ZNF529: variants seen among roughly 807,000 people sequenced by gnomAD.
The protein encoded by ZNF529 is zinc finger protein 529.
ZNF529 carries 11 observed loss-of-function variants against 10.1 expected under a neutral mutation model. The ratio of observed to expected loss-of-function variants is 1.09; its 90% CI spans 0.69 to 1.81. ZNF529 has a LOEUF of 1.81. Among genes scored for constraint, ZNF529 ranks in the 40% most tolerant of loss-of-function variants. The pLI is 0.00. For missense variants in ZNF529, 624 were observed against 666.8 expected (o/e 0.94, Z 0.71); for synonymous variants, 204 against 215.7 (o/e 0.95, Z 0.47).
chr19:36,573,401 C>T (rs187819907), upstream of ZNF529: 516 of 466,526 alleles, frequency 1.1e-3, no homozygotes, highest in African/African-American at 9.7e-3. Flanking sequence ...GCCCGCTGGC[C>T]GCAGGGGCCG....
chr19:36,593,075 T>C (rs775964980), intron 1 of ZNF529, among the ~76,000 whole-genome samples: 1 of 152,224 alleles, frequency 6.6e-6, no homozygotes, highest in Admixed American at 6.5e-5. Flanking sequence ...TCCTAGCGAT[T>C]ACAATAAGGC....
At chr19:36,597,095 C>G (rs2036853447) in intron 1 of ZNF529, among the ~76,000 whole-genome samples, 1 of 152,138 alleles carries the variant, frequency 6.6e-6, no homozygotes, top group Non-Finnish European at 1.5e-5. Flanking sequence ...TGGTCTCAAA[C>G]TCCTGGGCTC....
intron 1 of ZNF529, chr19:36,594,452 T>G (rs55634974): frequency 0.16 from 23,675 of 152,140 alleles, 2,308 homozygotes; most frequent in Non-Finnish European, 0.22. Context: ...ATGCCCCCCA[T>G]GGAATCCAGC....
chr19:36,599,473 C>A (rs1232715529), intron 1 of ZNF529, among the ~76,000 whole-genome samples: 2 of 152,036 alleles, frequency 1.3e-5, no homozygotes, highest in Non-Finnish European at 1.5e-5. Flanking sequence ...CTTTTTCAAG[C>A]TAAGAGTAGA....
intron 2 of ZNF529, among the ~76,000 whole-genome samples, chr19:36,572,009 A>T (rs986964964): frequency 1.3e-5 from 2 of 148,766 alleles, no homozygotes; most frequent in African/African-American, 5.0e-5. Flanking sequence ...TTTGTTTGCA[A>T]ATCAAGTCTG....
chr19:36,595,121 C>T (rs536507201), intron 1 of ZNF529, among the ~76,000 whole-genome samples: 54 of 152,268 alleles, frequency 3.5e-4, no homozygotes, highest in Middle Eastern at 3.4e-3. Context: ...TTGTGATCCA[C>T]GCGCCTTGGC....
chr19:36,604,559 G>A (rs749549152), intron 1 of ZNF529, among the ~76,000 whole-genome samples: 8 of 150,200 alleles, frequency 5.3e-5, no homozygotes, highest in Non-Finnish European at 1.2e-4. Flanking sequence ...TATGCATTAT[G>A]AAAGCGACAG....
At position 36,554,790 on chromosome 19, in the gene ZNF529, C is replaced by A; in HGVS notation, c.115G>T (p.Val39Leu). The change falls in exon 4 of 5, where the codon GTG becomes TTG. Residue 39 changes from valine to leucine, a missense_variant. Val to Leu is a conservative substitution (Grantham distance 32, BLOSUM62 1). Coordinates refer to ENST00000591340, the MANE Select transcript of ZNF529 (RefSeq NM_020951.5). ...TTGATGACCACATCCCTGAGTGTCACCAGTTCCTGAAACAACAAACCCGTA... is the reference window on the plus strand; with the variant it reads ...TTGATGACCACATCCCTGAGTGTCAACAGTTCCTGAAACAACAAACCCGTA... ...FTVLTMDHEL[V>L]TLRDVVINFS... 1.3e-6 allele frequency: 2 copies of A among 1,555,516 alleles called. No individual in the cohort carries two copies. Among genetic ancestry groups the A allele is most frequent in the Non-Finnish European group, 1.7e-6 (2 of 1,149,650 alleles).
chr19:36,594,573 A>G (rs1423700893), intron 1 of ZNF529: 1 of 152,464 alleles, frequency 6.6e-6, no homozygotes, highest in Non-Finnish European at 1.5e-5. Flanking sequence ...CCACACGTGA[A>G]AACGAGCAAG....
At chr19:36,558,228 TGA>T (rs1333851373) in intron 2 of ZNF529, among the ~76,000 whole-genome samples, 2 of 150,352 alleles carry the variant, frequency 1.3e-5, no homozygotes, top group East Asian at 2.0e-4. Flanking sequence ...AGAAGAGAGG[TGA>T]GAGAGAAAAA....
At chr19:36,569,153 G>C (rs1188923762) in intron 2 of ZNF529, among the ~76,000 whole-genome samples, 1 of 152,170 alleles carries the variant, frequency 6.6e-6, no homozygotes, top group Non-Finnish European at 1.5e-5. Flanking sequence ...CTTTCACCCT[G>C]AGATGATCCC....
rs1278545326 is a variant in ZNF529 at position 36,547,089 on chromosome 19, CTA to C, written c.1467_1468del (p.His489GlnfsTer18). On this transcript the variant is annotated frameshift_variant, in exon 5 of 5. Coordinates refer to ENST00000591340, the MANE Select transcript of ZNF529 (RefSeq NM_020951.5). LOFTEE classifies it low-confidence loss of function (END_TRUNC). ...TCTCTGATGTTCTGTAAGGGCTGAA[CTA>C]TGTCTAAAGGCCTTCCCACATACCT... 1.2e-6 allele frequency: 2 copies of C among 1,613,794 alleles called. No homozygotes were observed. The highest frequency in any genetic ancestry group is 1.3e-5 in the African/African-American group (1 of 74,866).
chr19:36,565,222 T>C (rs1403543236), intron 2 of ZNF529, among the ~76,000 whole-genome samples: 1 of 152,098 alleles, frequency 6.6e-6, no homozygotes, highest in Non-Finnish European at 1.5e-5. Flanking sequence ...CCTGCAAATG[T>C]ACCCCCTGAA....
intron 1 of ZNF529, 79 bp from the exon 2 acceptor site, chr19:36,572,471 G>A (rs1351874886): frequency 8.7e-7 from 1 of 1,145,426 alleles, no homozygotes; most frequent in African/African-American, 1.6e-5. Flanking sequence ...CACCAGAAAA[G>A]CCCATCACAC....
chr19:36,555,576 G>A (rs2035435525), intron 3 of ZNF529, among the ~76,000 whole-genome samples: 1 of 25,566 alleles, frequency 3.9e-5, no homozygotes, highest in South Asian at 1.1e-3. Context: ...GATTACAGGC[G>A]TGAGCCACCG....
chr19:36,590,827 G>A (rs112044189), intron 1 of ZNF529, among the ~76,000 whole-genome samples: 17 of 151,460 alleles, frequency 1.1e-4, no homozygotes, highest in African/African-American at 4.1e-4. Flanking sequence ...CTACTCTGGA[G>A]GCTGAGGGAG....
chr19:36,578,291 C>CTTTTTTTTTTTTTT (rs1159725232), upstream of ZNF529, among the ~76,000 whole-genome samples: 16 of 31,818 alleles, frequency 5.0e-4, 6 homozygotes, highest in South Asian at 3.6e-3. Flanking sequence ...GTCTTGATCT[C>CTTTTTTTTTTTTTT]TTTTTTTTTT....
rs552957612 is a variant in ZNF529 at position 36,589,123 on chromosome 19, T to C, written c.-41+492A>G. ...TCCAGGCACAGCTAATTTTACTTTT[T>C]ATTTTCTTGAGACAGGTCTCACTCT... On this transcript the variant is annotated intron_variant, in intron 2 of 4. Transcript: ENST00000585960. Among the ~76,000 whole-genome samples the C allele has an allele frequency of 1.4e-4, 21 of 152,188 alleles. No homozygotes were observed. The East Asian group carries it at 3.3e-3, about 24-fold the overall frequency.
rs1324403798 is a variant in ZNF529 at position 36,546,636 on chromosome 19, GA to G, written c.*229del. 1.2e-5 allele frequency: 5 copies of G among 413,754 alleles called. No homozygotes were observed. The South Asian group carries it at 2.2e-4, about 18-fold the overall frequency. 25.6% of individuals were successfully genotyped at this position (413,754 alleles called of 1,614,324 possible). A position where few individuals can be genotyped will look rare whatever the true frequency, so the allele number is the denominator to read the frequency against. On this transcript the variant is annotated 3_prime_UTR_variant, in exon 5 of 5. Transcript: ENST00000591340. ...AAACATGCCAGGATGAGAAACTCAT[GA>G]AAAAAACTTTTTAACATAAAAAGGA...
Sources: allele counts gnomAD v4.1 joint callset (sites outside exome capture counted in the v4.1 genomes callset), GRCh38; gene constraint gnomAD v4.1.1; transcripts MANE v1.5; gene names NCBI Gene and HGNC (gene_info 2026-07-23, HGNC 2026-07-21).